Variants in SKAP2 observed in about 807,000 individuals in gnomAD.
SKAP2 encodes src kinase-associated phosphoprotein 2.
SKAP2 carries 28 observed loss-of-function variants against 54.9 expected under a neutral mutation model. That is an observed-to-expected ratio of 0.51 (90% confidence interval 0.38 to 0.70). The LOEUF is 0.70. Ranked by LOEUF, SKAP2 falls within the 30% of genes least tolerant of loss-of-function variation. The probability of loss-of-function intolerance (pLI) is 0.00; values close to 1 mark genes in which losing one functional copy is unlikely to be tolerated. For synonymous variants in SKAP2, 137 were observed against 134.3 expected (o/e 1.02, Z -0.14); for missense variants, 356 against 424.1 (o/e 0.84, Z 1.41).
At chr7:26,758,943 T>C (rs1032350196) in intron 4 of SKAP2, among the ~76,000 whole-genome samples, 1 of 152,218 alleles carries the variant, frequency 6.6e-6, no homozygotes, top group African/African-American at 2.4e-5. Context: ...GAACTAGACA[T>C]GTTCTTGTTT....
intron 4 of SKAP2, among the ~76,000 whole-genome samples, chr7:26,750,324 T>TTG (rs1169112310): frequency 6.6e-6 from 1 of 151,118 alleles, no homozygotes; most frequent in Non-Finnish European, 1.5e-5. Flanking sequence ...TTTTTTTTTT[T>TTG]TTTTTGAGAT....
chr7:26,725,853 T>A, intron 8 of SKAP2, 70 bp downstream of exon 8: 1 of 1,310,142 alleles, frequency 7.6e-7, no homozygotes, highest in South Asian at 1.2e-5. Context: ...CTTTTGTATA[T>A]GAAAACCCAA....
At chr7:26,662,459 G>C (rs567607596), downstream of SKAP2, among the ~76,000 whole-genome samples, 5 of 152,210 alleles carry the variant, frequency 3.3e-5, no homozygotes, top group Admixed American at 2.0e-4. Context: ...GCTAAGAACT[G>C]TACCAAGGTA....
intron 4 of SKAP2, among the ~76,000 whole-genome samples, chr7:26,786,330 CA>C (rs1277068527): frequency 1.3e-5 from 2 of 152,336 alleles, no homozygotes; most frequent in East Asian, 3.9e-4. Flanking sequence ...TCTAACCTCA[CA>C]GAAATTACAT....
intron 4 of SKAP2, among the ~76,000 whole-genome samples, chr7:26,818,971 G>C (rs1270162923): frequency 6.6e-6 from 1 of 152,144 alleles, no homozygotes; most frequent in Non-Finnish European, 1.5e-5. Flanking sequence ...TACACTGTTC[G>C]TGGGAGTGTA....
chr7:26,827,135 A>C (rs867412768), intron 4 of SKAP2, among the ~76,000 whole-genome samples: 28 of 152,298 alleles, frequency 1.8e-4, no homozygotes, highest in Middle Eastern at 3.4e-3. Flanking sequence ...GTGTTAAAGA[A>C]AGACATGAGC....
chr7:26,840,337 A>G (rs1188030789), intron 4 of SKAP2, among the ~76,000 whole-genome samples: 2 of 152,116 alleles, frequency 1.3e-5, no homozygotes, highest in African/African-American at 4.8e-5. Context: ...CAGAGCCAAT[A>G]TATGTCTTCT....
chr7:26,671,126 T>G (rs534663306), intron 11 of SKAP2, among the ~76,000 whole-genome samples: 1 of 152,220 alleles, frequency 6.6e-6, no homozygotes, highest in South Asian at 2.1e-4. Flanking sequence ...TCTGCCAGAT[T>G]GACTAATGTA....
At chr7:26,706,742 T>TA (rs1419106807) in intron 9 of SKAP2, among the ~76,000 whole-genome samples, 1 of 152,216 alleles carries the variant, frequency 6.6e-6, no homozygotes, top group Non-Finnish European at 1.5e-5. Context: ...GCACACAGAA[T>TA]AAAATAGGTT....
At chr7:26,777,076 C>A (rs563208838) in intron 4 of SKAP2, among the ~76,000 whole-genome samples, 4 of 152,142 alleles carry the variant, frequency 2.6e-5, no homozygotes, top group African/African-American at 7.2e-5. Flanking sequence ...GAGTTGAAAT[C>A]ATTAATTGGT....
chr7:26,763,307 C>T (rs950845086), intron 4 of SKAP2, among the ~76,000 whole-genome samples: 4 of 151,984 alleles, frequency 2.6e-5, no homozygotes, highest in African/African-American at 7.2e-5. Context: ...TCTTTGTAGA[C>T]TCAGACATAA....
intron 4 of SKAP2, among the ~76,000 whole-genome samples, chr7:26,794,640 G>T (rs1421294998): frequency 2.6e-5 from 4 of 152,210 alleles, no homozygotes; most frequent in Non-Finnish European, 5.9e-5. Flanking sequence ...GCTGCCACTG[G>T]ACTGTAGGAA....
chr7:26,838,050 T>C (rs368111384), intron 4 of SKAP2, among the ~76,000 whole-genome samples: 9 of 152,194 alleles, frequency 5.9e-5, no homozygotes, highest in African/African-American at 2.2e-4. Flanking sequence ...CTCTACTTCA[T>C]AGAGATACTG....
At chr7:26,725,325 A>G in intron 9 of SKAP2, 103 bp downstream of exon 9, 1 of 740,332 alleles carries the variant, frequency 1.4e-6, no homozygotes, top group South Asian at 2.4e-5. Flanking sequence ...ACCATTTTCT[A>G]CTCAAGCTGT....
chr7:26,656,329 G>A, the SKAP2 span, among the ~76,000 whole-genome samples: 1 of 152,054 alleles, frequency 6.6e-6, no homozygotes, highest in South Asian at 2.1e-4. Flanking sequence ...TTTTTCTACA[G>A]CTGTGACCAA....
At chr7:26,850,926 G>T (rs1295648503) in intron 3 of SKAP2, among the ~76,000 whole-genome samples, 1 of 151,988 alleles carries the variant, frequency 6.6e-6, no homozygotes, top group African/African-American at 2.4e-5. Context: ...TAAAACAATA[G>T]CTTTCTATGG....
intron 4 of SKAP2, among the ~76,000 whole-genome samples, chr7:26,744,210 A>G (rs1202522830): frequency 6.6e-6 from 1 of 152,190 alleles, no homozygotes; most frequent in Admixed American, 6.6e-5. Flanking sequence ...TAATATACTT[A>G]AGAAATAAGT....
At chr7:26,841,809 T>G (rs1784822773) in intron 4 of SKAP2, among the ~76,000 whole-genome samples, 2 of 152,048 alleles carry the variant, frequency 1.3e-5, no homozygotes, top group South Asian at 4.1e-4. Context: ...TATAACCCAT[T>G]GAAGTTTAGA....
intron 3 of SKAP2, among the ~76,000 whole-genome samples, chr7:26,851,924 C>A (rs1326091015): frequency 6.6e-6 from 1 of 151,976 alleles, no homozygotes; most frequent in Non-Finnish European, 1.5e-5. Context: ...GAACTCTCTA[C>A]CTGGTCCTTT....
Sources: allele counts gnomAD v4.1 joint callset (sites outside exome capture counted in the v4.1 genomes callset), GRCh38; gene constraint gnomAD v4.1.1; transcripts MANE v1.5; gene names NCBI Gene and HGNC (gene_info 2026-07-23, HGNC 2026-07-21).